MLIP: variants seen among roughly 807,000 people sequenced by gnomAD.
MLIP encodes the protein muscular LMNA-interacting protein.
MLIP carries 79 observed loss-of-function variants against 84.8 expected under a neutral mutation model. That is an observed-to-expected ratio of 0.93 (90% CI 0.78 to 1.12). The LOEUF (loss-of-function observed/expected upper bound fraction) is 1.12. Among genes scored for constraint, MLIP ranks in the 50% most tolerant of loss-of-function variants. MLIP has a pLI of 0.00. For missense variants in MLIP, 1,257 were observed against 1,160.6 expected, an observed-to-expected ratio of 1.08 and a Z score of -1.21; for synonymous variants, 504 against 463.0, an observed-to-expected ratio of 1.09 and a Z score of -1.14.
intron 13 of MLIP, among the ~76,000 whole-genome samples, chr6:54,263,729 A>G (rs1007819445): frequency 1.3e-5 from 2 of 152,010 alleles, no homozygotes; most frequent in Non-Finnish European, 2.9e-5. Flanking sequence ...TTAAAAAAAA[A>G]CCAAGATTTT....
chr6:54,209,965 T>C (rs1779309816), intron 11 of MLIP, among the ~76,000 whole-genome samples: 2 of 151,894 alleles, frequency 1.3e-5, no homozygotes, highest in Non-Finnish European at 2.9e-5. Context: ...TATACATTCA[T>C]CTGTGTGAAA....
intron 3 of MLIP, 22 bp from the exon 4 acceptor site, chr6:54,136,693 T>C (rs1369782609): frequency 7.0e-7 from 1 of 1,428,506 alleles, no homozygotes. Flanking sequence ...TATTTCAATC[T>C]GTCTATTTCT....
At chr6:54,212,557 C>CTG (rs1779534928) in intron 11 of MLIP, among the ~76,000 whole-genome samples, 1 of 152,174 alleles carries the variant, frequency 6.6e-6, no homozygotes, top group Non-Finnish European at 1.5e-5. Context: ...GTGTGTGCGC[C>CTG]TGTGTGTGTG....
chr6:54,031,462 A>C (rs1764133083), intron 1 of MLIP: 1 of 152,196 alleles, frequency 6.6e-6, no homozygotes, highest in African/African-American at 2.4e-5. Context: ...TGATACGTGG[A>C]AAGTGGTACT....
chr6:54,025,004 A>ATT (rs79753738), intron 1 of MLIP, among the ~76,000 whole-genome samples: 22,860 of 139,754 alleles, frequency 0.16, 2,356 homozygotes, highest in South Asian at 0.27. Flanking sequence ...TGCCCAGCTA[A>ATT]TTTTTTTTTT....
chr6:54,049,419 CTT>C (rs1392002568), intron 1 of MLIP, among the ~76,000 whole-genome samples: 1 of 152,090 alleles, frequency 6.6e-6, no homozygotes, highest in African/African-American at 2.4e-5. Flanking sequence ...CTTGGTGTCA[CTT>C]ATTGCTGGTT....
At chr6:54,021,945 A>G (rs9395899) in intron 1 of MLIP, among the ~76,000 whole-genome samples, 13,148 of 152,270 alleles carry the variant, frequency 0.086, 1,308 homozygotes, top group East Asian at 0.57. Context: ...TATCTTAGTC[A>G]TTGATTCTGC....
At chr6:54,192,260 T>C (rs1777990263) in intron 10 of MLIP, among the ~76,000 whole-genome samples, 1 of 151,866 alleles carries the variant, frequency 6.6e-6, no homozygotes, top group African/African-American at 2.4e-5. Context: ...GAGATACAGG[T>C]AGGTTTGTGA....
At chr6:54,263,327 G>T (rs529937773) in intron 13 of MLIP, among the ~76,000 whole-genome samples, 1 of 151,982 alleles carries the variant, frequency 6.6e-6, no homozygotes, top group South Asian at 2.1e-4. Context: ...CTTAATTACT[G>T]AACGTTTTAT....
intron 8 of MLIP, among the ~76,000 whole-genome samples, chr6:54,165,499 C>G (rs771835769): frequency 6.6e-6 from 1 of 151,902 alleles, no homozygotes; most frequent in African/African-American, 2.4e-5. Flanking sequence ...TCAGTTCACC[C>G]CATTGATCTC....
chr6:54,219,967 TA>T (rs1219500991), intron 11 of MLIP, among the ~76,000 whole-genome samples: 3 of 151,886 alleles, frequency 2.0e-5, no homozygotes, highest in East Asian at 1.9e-4. Flanking sequence ...ATGACTTTAT[TA>T]AAAAAAACCT....
chr6:54,249,558 C>T (rs971772854), intron 12 of MLIP, among the ~76,000 whole-genome samples: 1 of 151,698 alleles, frequency 6.6e-6, no homozygotes, highest in Admixed American at 6.6e-5. Context: ...AAAGAAAAAA[C>T]TCAGAGCATT....
In MLIP at chr6:54,213,729, A is replaced by ACAAC. The variant is rs1431781067; in HGVS notation, c.2718+11496_2718+11497insCAAC. Among the ~76,000 whole-genome samples, 33 of 138,612 alleles carry ACAAC rather than the reference A, an allele frequency of 2.4e-4. 7 individuals are homozygous for ACAAC. Among genetic ancestry groups the ACAAC allele is most frequent in the Admixed American group, 1.1e-3 (15 of 14,172 alleles). The allele number at this position is 138,612 out of a possible 152,430, so 90.9% of individuals were successfully genotyped here. On this transcript the variant is annotated intron_variant, in intron 11 of 13. Transcript: ENST00000502396. ...TCTCAAAAAAAAAAAAAAAAAAAAA[A>ACAAC]AAAAAAACAACAAACAGCATATCTT...
At chr6:54,107,927 T>G (rs1382601441), upstream of MLIP, among the ~76,000 whole-genome samples, 5 of 152,224 alleles carry the variant, frequency 3.3e-5, no homozygotes, top group Non-Finnish European at 5.9e-5. Context: ...GTTTAATCAC[T>G]TACATGTTTC....
chr6:54,034,091 T>G (rs1484302175), intron 1 of MLIP, among the ~76,000 whole-genome samples: 1 of 152,228 alleles, frequency 6.6e-6, no homozygotes, highest in Non-Finnish European at 1.5e-5. Context: ...TGCCAAAATT[T>G]TGACTACTTT....
Position 54,202,106 on chromosome 6 carries a change from C to T in MLIP, c.2591C>T (p.Thr864Ile). Residue 864 changes from threonine (T) to isoleucine (I), a missense_variant and splice_region_variant, in exon 11 of 14, where the codon ACT becomes ATT. Transcript: ENST00000502396. ...PSSTVSESQL[T>I]KPGVIRPVPV... is the part of the protein sequence containing the mutation. The stretch of plus-strand genomic sequence containing the variant: ...AATATTTATTTTACATTCATGAAGA[C>T]TAAGCCTGGAGTAATTCGCCCAGTA... 1 of 1,571,860 alleles carries T rather than the reference C, an allele frequency of 6.4e-7. No individual in the cohort carries two copies. Among genetic ancestry groups the T allele is most frequent in the Admixed American group, 1.8e-5 (1 of 55,714 alleles).
At chr6:54,059,130 A>T (rs1765821157) in intron 1 of MLIP, among the ~76,000 whole-genome samples, 1 of 152,148 alleles carries the variant, frequency 6.6e-6, no homozygotes, top group African/African-American at 2.4e-5. Flanking sequence ...GTATTCAGAG[A>T]CTTGTCTAAG....
At chr6:54,041,542 C>G (rs1408900824) in intron 1 of MLIP, among the ~76,000 whole-genome samples, 2 of 152,096 alleles carry the variant, frequency 1.3e-5, no homozygotes, top group African/African-American at 4.8e-5. Context: ...TTTCCACTAG[C>G]AAAGTGTGTG....
At chr6:54,068,090 T>TCC (rs1561905261) in intron 1 of MLIP, among the ~76,000 whole-genome samples, 12 of 76,906 alleles carry the variant, frequency 1.6e-4, no homozygotes, top group South Asian at 5.7e-4. Context: ...CTTCCTTCTT[T>TCC]TTCTCTCTCC....
Sources: allele counts gnomAD v4.1 joint callset (sites outside exome capture counted in the v4.1 genomes callset), GRCh38; gene constraint gnomAD v4.1.1; transcripts MANE v1.5; gene names NCBI Gene and HGNC (gene_info 2026-07-23, HGNC 2026-07-21).